SEL1L: variants seen among roughly 807,000 people sequenced by gnomAD.
SEL1L encodes the protein SEL1L adaptor subunit of SYVN1 ubiquitin ligase.
A neutral mutation model predicts 109.8 loss-of-function variants in SEL1L; 52 were observed. That is an observed-to-expected ratio of 0.47 (90% CI 0.38 to 0.60). SEL1L has a LOEUF of 0.60. Ranked by LOEUF, SEL1L falls within the 20% of genes least tolerant of loss-of-function variation. The pLI, the probability that SEL1L is intolerant of heterozygous loss-of-function variation, is 0.00. For missense variants in SEL1L, 749 were observed against 962.2 expected, an observed-to-expected ratio of 0.78 and a Z score of 2.93; for synonymous variants, 373 against 339.6, an observed-to-expected ratio of 1.10 and a Z score of -1.08.
At chr14:81,510,250 T>C (rs1027474522) in intron 3 of SEL1L, among the ~76,000 whole-genome samples, 4 of 152,200 alleles carry the variant, frequency 2.6e-5, no homozygotes, top group Non-Finnish European at 5.9e-5. Context: ...CAAGCCTTGC[T>C]GGAGCTGGAT....
At chr14:81,520,411 CCA>C (rs757519138) in intron 3 of SEL1L, among the ~76,000 whole-genome samples, 31 of 152,130 alleles carry the variant, frequency 2.0e-4, no homozygotes, top group African/African-American at 6.7e-4. Flanking sequence ...TTCTGTGGTC[CCA>C]CAGTTAGTGG....
rs558622835 is a variant in SEL1L at position 81,491,668 on chromosome 14, G to A, written c.1254+812C>T. Among the ~76,000 whole-genome samples, 7 of 152,236 alleles carry A rather than the reference G, an allele frequency of 4.6e-5. No individual in the cohort carries two copies. In the South Asian group the frequency reaches 1.2e-3, roughly 27 times the overall value. ...TTAGTTATAAGTGAAAATACCCATT[G>A]ATTTATACTATGTTTCAAAATAATG... On this transcript the variant is annotated intron_variant, in intron 12 of 20. Coordinates refer to ENST00000336735, the MANE Select transcript of SEL1L (RefSeq NM_005065.6).
intron 10 of SEL1L, among the ~76,000 whole-genome samples, chr14:81,496,078 CT>C (rs1370751387): frequency 6.6e-6 from 1 of 152,170 alleles, no homozygotes; most frequent in Non-Finnish European, 1.5e-5. Context: ...AATCCCAGCA[CT>C]TTGGGAGGCC....
intron 11 of SEL1L, 55 bp downstream of exon 11, chr14:81,495,026 G>C: frequency 6.6e-7 from 1 of 1,506,386 alleles, no homozygotes; most frequent in Non-Finnish European, 9.2e-7. Context: ...AATACATTGG[G>C]AACATCATTT....
At chr14:81,487,173 A>G (rs930180262) in intron 16 of SEL1L, among the ~76,000 whole-genome samples, 3 of 152,042 alleles carry the variant, frequency 2.0e-5, no homozygotes, top group Non-Finnish European at 4.4e-5. Context: ...AGACACCAGT[A>G]TCTCCCCTTA....
chr14:81,479,610 A>G lies in SEL1L; in HGVS notation c.2175+2T>C. ...TAATGAAAAGAGGTACGGACCACTT[A>G]CGTTTGTTTCCCGTATGTACTGCAA... is the stretch of plus-strand genomic sequence containing the variant. On this transcript the variant is annotated splice_donor_variant, in intron 20 of 20. Coordinates refer to ENST00000336735, the MANE Select transcript of SEL1L (RefSeq NM_005065.6). LOFTEE classifies it high-confidence loss of function. 6.2e-7 allele frequency: 1 copy of G among 1,604,710 alleles called. No individual in the cohort carries two copies. The highest frequency in any genetic ancestry group is 8.5e-7 in the Non-Finnish European group (1 of 1,176,998).
chr14:81,497,618 A>AT (rs572408245), intron 10 of SEL1L, among the ~76,000 whole-genome samples: 78 of 152,178 alleles, frequency 5.1e-4, no homozygotes, highest in South Asian at 8.3e-4. Flanking sequence ...TCAAGCAGTG[A>AT]TTTTTTTAGG....
intron 3 of SEL1L, among the ~76,000 whole-genome samples, chr14:81,510,909 T>C (rs76646466): frequency 0.027 from 4,107 of 152,124 alleles, 180 homozygotes; most frequent in African/African-American, 0.094. Flanking sequence ...AAGCAAACGA[T>C]TGTCACCAAA....
chr14:81,481,128 T>C (rs1330039715), intron 19 of SEL1L, among the ~76,000 whole-genome samples: 1 of 152,222 alleles, frequency 6.6e-6, no homozygotes, highest in Non-Finnish European at 1.5e-5. Context: ...GATATATTTC[T>C]GTAAAGGGTG....
At chr14:81,517,633 T>C (rs554441755) in intron 3 of SEL1L, among the ~76,000 whole-genome samples, 3 of 152,194 alleles carry the variant, frequency 2.0e-5, no homozygotes, top group South Asian at 4.2e-4. Flanking sequence ...TAAACTGCAG[T>C]AGGGAGAAAA....
At chr14:81,486,183 T>C (rs982108308) in intron 17 of SEL1L, 106 bp downstream of exon 17, 36 of 1,095,626 alleles carry the variant, frequency 3.3e-5, no homozygotes, top group Non-Finnish European at 4.5e-5. Context: ...CCAGTTACAA[T>C]AATAAAGAAT....
intron 10 of SEL1L, among the ~76,000 whole-genome samples, chr14:81,495,923 A>G (rs1883729149): frequency 1.3e-5 from 2 of 151,894 alleles, no homozygotes; most frequent in Admixed American, 1.3e-4. Context: ...GTGACAGAGC[A>G]AGACTTTGTC....
Position 81,504,194 on chromosome 14 carries a change from T to G in SEL1L, c.614+7A>C, listed in dbSNP as rs200380539. 4.8e-4 allele frequency: 754 copies of G among 1,562,398 alleles called. 2 individuals are homozygous for G. Among genetic ancestry groups the G allele is most frequent in the Non-Finnish European group, 6.1e-4 (701 of 1,146,886 alleles). Reference sequence around the variant, plus strand: ...GGGGGAAAAGTGGACTTAGCAGTGCTACCTACTCTCTTTTTTGGCTTTTCT... The same window carrying G: ...GGGGGAAAAGTGGACTTAGCAGTGCGACCTACTCTCTTTTTTGGCTTTTCT... On this transcript the variant is annotated splice_region_variant and intron_variant, in intron 5 of 20. Coordinates refer to ENST00000336735, the MANE Select transcript of SEL1L (RefSeq NM_005065.6).
At chr14:81,517,557 C>T (rs1185545339) in intron 3 of SEL1L, among the ~76,000 whole-genome samples, 3 of 152,110 alleles carry the variant, frequency 2.0e-5, no homozygotes, top group Non-Finnish European at 2.9e-5. Flanking sequence ...CACTGCATTC[C>T]AGGATCTTCC....
rs529863107 is a variant in SEL1L at position 81,498,357 on chromosome 14, A to G, written c.973+56T>C. On this transcript the variant is annotated intron_variant, in intron 9 of 20. Transcript: ENST00000336735. The stretch of plus-strand genomic sequence containing the variant: ...TAGAACAATAAAAATAGAAATGTTT[A>G]AAGTTAATTCCATTTATTTTTTTTT... 4 of 1,383,598 alleles carry G rather than the reference A, an allele frequency of 2.9e-6. No homozygotes were observed. In the South Asian group the frequency reaches 3.7e-5, roughly 13 times the overall value. The allele number at this position is 1,383,598 out of a possible 1,614,324, so 85.7% of individuals were successfully genotyped here.
At chr14:81,533,549 A>G in intron 1 of SEL1L, 126 bp downstream of exon 1, 2 of 860,504 alleles carry the variant, frequency 2.3e-6, no homozygotes, top group South Asian at 3.1e-5. Context: ...AGAGCGAGTG[A>G]CAGCCCAGTG....
intron 3 of SEL1L, among the ~76,000 whole-genome samples, chr14:81,511,388 G>C (rs1884471155): frequency 6.6e-6 from 1 of 152,220 alleles, no homozygotes; most frequent in Non-Finnish European, 1.5e-5. Context: ...GACAGGCACT[G>C]TCAAAAACCA....
Position 81,479,492 on chromosome 14 carries a change from G to T in SEL1L, c.2175+120C>A, listed in dbSNP as rs994495052. Reference sequence around the variant, plus strand: ...TCGGGTACCTGAGCTGAGGAGAAGGGAACACACCCGATACCTGCAGGACCA... The same window carrying T: ...TCGGGTACCTGAGCTGAGGAGAAGGTAACACACCCGATACCTGCAGGACCA... On this transcript the variant is annotated intron_variant, in intron 20 of 20. Coordinates refer to ENST00000336735, the MANE Select transcript of SEL1L (RefSeq NM_005065.6). The T allele has an allele frequency of 2.8e-5, 28 of 986,770 alleles. No homozygotes were observed. The Admixed American group carries it at 3.6e-4, about 13-fold the overall frequency. The allele number at this position is 986,770 out of a possible 1,614,324, so 61.1% of individuals were successfully genotyped here. A position where few individuals can be genotyped will look rare whatever the true frequency, so the allele number is the denominator to read the frequency against.
chr14:81,521,794 T>TA (rs148829075), intron 3 of SEL1L, among the ~76,000 whole-genome samples: 77 of 149,672 alleles, frequency 5.1e-4, no homozygotes, highest in Non-Finnish European at 3.3e-4. Flanking sequence ...TCCTACTTAT[T>TA]AAAAAAAAAA....
Sources: gnomAD v4.1 joint callset for allele counts (sites outside exome capture counted in the v4.1 genomes callset) on GRCh38, gnomAD v4.1.1 for gene constraint, MANE v1.5 for transcripts, NCBI Gene and HGNC (gene_info 2026-07-23, HGNC 2026-07-21) for gene names.